The following RGS7 variants were observed in gnomAD, a reference collection of about 807,000 sequenced individuals.
RGS7 encodes regulator of G protein signaling 7, also known as regulator of G-protein signaling 7.
Under a neutral mutation model 81.1 loss-of-function variants are expected in RGS7, and 27 were observed. The ratio of observed to expected loss-of-function variants is 0.33; its 90% CI spans 0.25 to 0.46. The LOEUF is 0.46. Among genes scored for constraint, RGS7 ranks in the 20% least tolerant of loss-of-function variants. The pLI is 1.00. For synonymous variants in RGS7, 208 were observed against 207.7 expected, an observed-to-expected ratio of 1.00 and a Z score of -0.01; for missense variants, 396 against 607.4, an observed-to-expected ratio of 0.65 and a Z score of 3.66.
intron 2 of RGS7, among the ~76,000 whole-genome samples, chr1:241,153,582 C>T (rs143411536): frequency 2.7e-3 from 409 of 152,364 alleles, no homozygotes; most frequent in African/African-American, 9.1e-3. Flanking sequence ...TGCCCCAGTG[C>T]GGTACCACCT....
intron 3 of RGS7, among the ~76,000 whole-genome samples, chr1:241,070,993 CTGA>C (rs2062407257): frequency 6.6e-6 from 1 of 152,184 alleles, no homozygotes; most frequent in African/African-American, 2.4e-5. Context: ...CCTCCTTTTT[CTGA>C]TGTTTACTAA....
chr1:240,887,232 T>G (rs1232906776), intron 6 of RGS7, among the ~76,000 whole-genome samples: 15 of 63,366 alleles, frequency 2.4e-4, no homozygotes, highest in East Asian at 6.7e-4. Flanking sequence ...ATAGGTTTTT[T>G]TTTTTTTTTT....
intron 2 of RGS7, among the ~76,000 whole-genome samples, chr1:241,227,354 A>G (rs2075364220): frequency 6.6e-6 from 1 of 152,146 alleles, no homozygotes; most frequent in Non-Finnish European, 1.5e-5. Flanking sequence ...CTACAGGTAA[A>G]AAGCCTATGG....
intron 3 of RGS7, among the ~76,000 whole-genome samples, chr1:241,066,546 A>AC (rs1208195388): frequency 6.6e-6 from 1 of 152,188 alleles, no homozygotes; most frequent in Non-Finnish European, 1.5e-5. Flanking sequence ...AATTAGCAAC[A>AC]CTGTGTGCTC....
intron 2 of RGS7, among the ~76,000 whole-genome samples, chr1:241,135,451 A>C (rs1425603738): frequency 6.6e-6 from 1 of 152,022 alleles, no homozygotes; most frequent in African/African-American, 2.4e-5. Context: ...AAAACAAAAA[A>C]AGCAGCATGT....
At chr1:241,074,371 G>A (rs1445476351) in intron 3 of RGS7, among the ~76,000 whole-genome samples, 3 of 152,186 alleles carry the variant, frequency 2.0e-5, no homozygotes, top group Non-Finnish European at 2.9e-5. Flanking sequence ...GAAAATTGGT[G>A]AGGATTGAGG....
intron 6 of RGS7, among the ~76,000 whole-genome samples, chr1:240,918,002 G>A (rs1488179887): frequency 6.6e-6 from 1 of 152,082 alleles, no homozygotes; most frequent in African/African-American, 2.4e-5. Context: ...ATTTTTCAGG[G>A]ATAAATTTCT....
intron 2 of RGS7, among the ~76,000 whole-genome samples, chr1:241,256,138 C>G (rs1367692014): frequency 6.6e-6 from 1 of 152,152 alleles, no homozygotes; most frequent in East Asian, 1.9e-4. Context: ...CCCAATAAAA[C>G]AAATTCATTT....
intron 2 of RGS7, among the ~76,000 whole-genome samples, chr1:241,117,751 C>G (rs1189097907): frequency 1.3e-5 from 2 of 152,144 alleles, no homozygotes; most frequent in African/African-American, 4.8e-5. Context: ...AAAAGTAAAG[C>G]TGCAATATAT....
intron 2 of RGS7, among the ~76,000 whole-genome samples, chr1:241,107,043 T>C (rs2065168943): frequency 6.6e-6 from 1 of 152,196 alleles, no homozygotes; most frequent in Non-Finnish European, 1.5e-5. Context: ...TCAATTGTCA[T>C]GAACAAAGAA....
chr1:241,207,904 C>T (rs570787502), intron 2 of RGS7, among the ~76,000 whole-genome samples: 1 of 152,200 alleles, frequency 6.6e-6, no homozygotes, highest in South Asian at 2.1e-4. Flanking sequence ...GAAATGCTGA[C>T]ATCTTTGCCT....
At position 240,816,426 on chromosome 1, in the gene RGS7, A is replaced by G; in HGVS notation, c.685-11T>C. 6.6e-7 allele frequency: 1 copy of G among 1,516,444 alleles called. No homozygotes were observed. The highest frequency in any genetic ancestry group is 1.1e-5 in the South Asian group (1 of 88,948). The allele number at this position is 1,516,444 out of a possible 1,614,324, so 93.9% of individuals were successfully genotyped here. The stretch of plus-strand genomic sequence containing the variant: ...TAAACCATAGACAGACTATATTAAA[A>G]TAAAAAATAAACATTTTAGGACAAA... On this transcript the variant is annotated splice_polypyrimidine_tract_variant and intron_variant, in intron 10 of 18. Coordinates refer to ENST00000440928, the MANE Select transcript of RGS7 (RefSeq NM_001364886.1).
chr1:240,903,285 T>C (rs897890469), intron 6 of RGS7, among the ~76,000 whole-genome samples: 2 of 152,296 alleles, frequency 1.3e-5, no homozygotes, highest in Non-Finnish European at 2.9e-5. Flanking sequence ...TCCAATATGA[T>C]AGCCATTAGC....
At chr1:241,046,200 T>C (rs534014793) in intron 3 of RGS7, among the ~76,000 whole-genome samples, 2 of 152,218 alleles carry the variant, frequency 1.3e-5, no homozygotes, top group East Asian at 3.9e-4. Context: ...CATGTGCAGG[T>C]TTGTTACGTG....
At chr1:240,977,070 T>C (rs2148534013) in intron 4 of RGS7, among the ~76,000 whole-genome samples, 1 of 148,336 alleles carries the variant, frequency 6.7e-6, no homozygotes, top group African/African-American at 2.5e-5. Flanking sequence ...ATCCATCATC[T>C]ATCATCTATC....
chr1:240,975,266 C>G (rs112968410), intron 4 of RGS7, among the ~76,000 whole-genome samples: 10,209 of 152,074 alleles, frequency 0.067, 423 homozygotes, highest in South Asian at 0.1. Context: ...GCTGGGCGTG[C>G]TGGTGTGCGC....
At position 241,192,014 on chromosome 1, in the gene RGS7, G is replaced by A. The variant is rs564400020; in HGVS notation, c.79-93252C>T. Among the ~76,000 whole-genome samples, 7 of 152,298 alleles carry A rather than the reference G, an allele frequency of 4.6e-5. 1 individual carries two copies. Among genetic ancestry groups the A allele is most frequent in the African/African-American group, 1.2e-4 (5 of 41,554 alleles). On this transcript the variant is annotated intron_variant, in intron 2 of 18. Coordinates refer to ENST00000440928, the MANE Select transcript of RGS7 (RefSeq NM_001364886.1). ...GAGCCTCACAAAGGTCAAAGTCTACGTTTTCTACTCAGGCTTTGCTAACAT... is the reference window on the plus strand; with the variant it reads ...GAGCCTCACAAAGGTCAAAGTCTACATTTTCTACTCAGGCTTTGCTAACAT...
intron 10 of RGS7, among the ~76,000 whole-genome samples, chr1:240,818,561 G>A (rs1026871568): frequency 1.3e-5 from 2 of 152,100 alleles, no homozygotes; most frequent in African/African-American, 2.4e-5. Flanking sequence ...AACAGTAGAG[G>A]TTGATTTCTT....
chr1:240,971,839 T>C (rs1683251560), intron 4 of RGS7, among the ~76,000 whole-genome samples: 1 of 152,204 alleles, frequency 6.6e-6, no homozygotes, highest in South Asian at 2.1e-4. Context: ...CCTATGGACA[T>C]GACAGCTTGC....
Sources: allele counts gnomAD v4.1 joint callset (sites outside exome capture counted in the v4.1 genomes callset), GRCh38; gene constraint gnomAD v4.1.1; transcripts MANE v1.5; gene names NCBI Gene and HGNC (gene_info 2026-07-23, HGNC 2026-07-21).